Variants in KCNQ3 observed in about 807,000 individuals in gnomAD.
The protein encoded by KCNQ3 is potassium voltage-gated channel subfamily Q member 3.
In KCNQ3, 30 loss-of-function variants were observed where a neutral mutation model predicts 92.5. That is an observed-to-expected ratio of 0.32 (90% CI 0.24 to 0.44). The LOEUF is 0.44. Among genes scored for constraint, KCNQ3 ranks in the 20% least tolerant of loss-of-function variants. The probability of loss-of-function intolerance (pLI) is 1.00; values close to 1 mark genes in which losing one functional copy is unlikely to be tolerated. For synonymous variants in KCNQ3, 450 were observed against 468.8 expected, an observed-to-expected ratio of 0.96 and a Z score of 0.52; for missense variants, 913 against 1,140.3, an observed-to-expected ratio of 0.80 and a Z score of 2.87.
chr8:132,382,902 T>C (rs1340327930), intron 1 of KCNQ3, among the ~76,000 whole-genome samples: 1 of 152,204 alleles, frequency 6.6e-6, no homozygotes, highest in Non-Finnish European at 1.5e-5. Flanking sequence ...TCTGTGAACC[T>C]CAGCATTTCC....
chr8:132,254,738 G>T (rs1332087459), intron 1 of KCNQ3, among the ~76,000 whole-genome samples: 3 of 152,124 alleles, frequency 2.0e-5, no homozygotes, highest in South Asian at 2.1e-4. Flanking sequence ...AATTAGCTGG[G>T]CGTGGTGGCA....
In KCNQ3 at chr8:132,445,704, A is replaced by C. The variant is rs1272042390; in HGVS notation, c.386+34443T>G. Among the ~76,000 whole-genome samples, 6 of 137,754 alleles carry C rather than the reference A, an allele frequency of 4.4e-5. No individual in the cohort carries two copies. In the South Asian group the frequency reaches 1.0e-3, roughly 23 times the overall value. 90.4% of individuals were successfully genotyped at this position (137,754 alleles called of 152,430 possible). On this transcript the variant is annotated intron_variant, in intron 1 of 14. Coordinates refer to ENST00000388996, the MANE Select transcript of KCNQ3 (RefSeq NM_004519.4). ...AAACACACAAAAAATCATTATTATT[A>C]ATATCATTTACTGAGCTCTTACTAT... is the stretch of plus-strand genomic sequence containing the variant.
At chr8:132,321,755 AC>A (rs1163051850) in intron 1 of KCNQ3, among the ~76,000 whole-genome samples, 3 of 151,960 alleles carry the variant, frequency 2.0e-5, no homozygotes, top group Non-Finnish European at 4.4e-5. Context: ...TCACTACCAC[AC>A]CCCTGTGCTT....
At chr8:132,377,144 T>C (rs1266786817) in intron 1 of KCNQ3, among the ~76,000 whole-genome samples, 1 of 152,120 alleles carries the variant, frequency 6.6e-6, no homozygotes, top group East Asian at 1.9e-4. Context: ...CTCACCAACA[T>C]GGGTAAGCAC....
intron 1 of KCNQ3, among the ~76,000 whole-genome samples, chr8:132,282,803 G>C (rs1241252770): frequency 2.0e-5 from 3 of 152,190 alleles, no homozygotes; most frequent in African/African-American, 4.8e-5. Flanking sequence ...TGCTTAGCAG[G>C]GTTGCCCTCC....
chr8:132,307,075 T>A (rs973999003), intron 1 of KCNQ3, among the ~76,000 whole-genome samples: 10 of 152,250 alleles, frequency 6.6e-5, no homozygotes, highest in Non-Finnish European at 1.2e-4. Context: ...AGCTATGGAA[T>A]TCTTTACCAC....
chr8:132,163,157 A>C (rs1439927523), intron 9 of KCNQ3, among the ~76,000 whole-genome samples: 2 of 152,176 alleles, frequency 1.3e-5, no homozygotes, highest in Admixed American at 6.5e-5. Flanking sequence ...CAATCTCCTC[A>C]TCCACAAGGG....
chr8:132,234,195 G>A (rs976977987), intron 1 of KCNQ3, among the ~76,000 whole-genome samples: 6 of 152,020 alleles, frequency 3.9e-5, no homozygotes, highest in Non-Finnish European at 4.4e-5. Context: ...TCACACAAAC[G>A]CCCCTCTGCC....
intron 1 of KCNQ3, among the ~76,000 whole-genome samples, chr8:132,195,002 A>G (rs1180269128): frequency 5.9e-5 from 9 of 152,202 alleles, no homozygotes; most frequent in Admixed American, 2.0e-4. Flanking sequence ...TTACCTGATT[A>G]CAACCCGTCC....
At chr8:132,206,985 A>T (rs992547140) in intron 1 of KCNQ3, among the ~76,000 whole-genome samples, 1 of 152,214 alleles carries the variant, frequency 6.6e-6, no homozygotes, top group African/African-American at 2.4e-5. Flanking sequence ...AAAATATTCA[A>T]AACAATCATG....
In KCNQ3 at chr8:132,184,383, T is replaced by C. The variant is rs781487724; in HGVS notation, c.478-16A>G. ...CAAATGTCTCCTGCATGGAAGAGCA[T>C]ATGGAGAGGCACTGATTAACCGAGA... On this transcript the variant is annotated splice_polypyrimidine_tract_variant and intron_variant, in intron 2 of 14. Transcript: ENST00000388996. 3 of 1,613,780 alleles carry C rather than the reference T, an allele frequency of 1.9e-6. No individual in the cohort carries two copies. Among genetic ancestry groups the C allele is most frequent in the South Asian group, 1.1e-5 (1 of 91,074 alleles).
chr8:132,151,677 T>C (rs986752146), intron 9 of KCNQ3, among the ~76,000 whole-genome samples: 25 of 152,248 alleles, frequency 1.6e-4, no homozygotes, highest in African/African-American at 5.5e-4. Flanking sequence ...TGGTAGTATG[T>C]AATTCTATTT....
At chr8:132,302,847 T>C (rs1260937005) in intron 1 of KCNQ3, among the ~76,000 whole-genome samples, 1 of 152,152 alleles carries the variant, frequency 6.6e-6, no homozygotes, top group African/African-American at 2.4e-5. Flanking sequence ...CCACAGGTGA[T>C]TTGGATGTCT....
intron 7 of KCNQ3, among the ~76,000 whole-genome samples, chr8:132,172,259 G>T (rs935483351): frequency 2.0e-5 from 3 of 152,124 alleles, no homozygotes; most frequent in Non-Finnish European, 4.4e-5. Flanking sequence ...TCTTGGCTTA[G>T]AAACTGAATG....
intron 1 of KCNQ3, among the ~76,000 whole-genome samples, chr8:132,228,658 G>C (rs1277916479): frequency 2.0e-5 from 3 of 151,944 alleles, no homozygotes; most frequent in African/African-American, 7.3e-5. Context: ...CCGTAGTAAA[G>C]GTTCAGTATG....
At chr8:132,229,492 G>C (rs1217015949) in intron 1 of KCNQ3, among the ~76,000 whole-genome samples, 1 of 152,036 alleles carries the variant, frequency 6.6e-6, no homozygotes, top group African/African-American at 2.4e-5. Flanking sequence ...GCCCTTGTCT[G>C]AGTTTTGGTA....
At chr8:132,288,596 C>A (rs1458759831) in intron 1 of KCNQ3, among the ~76,000 whole-genome samples, 1 of 152,170 alleles carries the variant, frequency 6.6e-6, no homozygotes, top group Non-Finnish European at 1.5e-5. Context: ...TTCTCTATAG[C>A]TTTCTGACTC....
chr8:132,263,457 A>G (rs999389301), intron 1 of KCNQ3, among the ~76,000 whole-genome samples: 20 of 152,322 alleles, frequency 1.3e-4, no homozygotes, highest in African/African-American at 4.8e-4. Context: ...TGTCCCAAGG[A>G]CACCAGTCCA....
intron 1 of KCNQ3, among the ~76,000 whole-genome samples, chr8:132,297,153 T>C (rs1417706813): frequency 6.6e-6 from 1 of 152,226 alleles, no homozygotes; most frequent in African/African-American, 2.4e-5. Context: ...ATGATGAGCA[T>C]TTTTTGTGTC....
Sources: gnomAD v4.1 joint callset for allele counts (sites outside exome capture counted in the v4.1 genomes callset) on GRCh38, gnomAD v4.1.1 for gene constraint, MANE v1.5 for transcripts, NCBI Gene and HGNC (gene_info 2026-07-23, HGNC 2026-07-21) for gene names.